PTCH1: variants seen among roughly 807,000 people sequenced by gnomAD.
The protein encoded by PTCH1 is protein patched homolog 1.
PTCH1 carries 14 observed loss-of-function variants against 144.6 expected under a neutral mutation model. That is an observed-to-expected ratio of 0.10 (90% CI 0.06 to 0.15). The LOEUF is 0.15. PTCH1 is among the 10% of genes least tolerant of loss of function. The pLI, the probability that PTCH1 is intolerant of heterozygous loss-of-function variation, is 1.00. For synonymous variants in PTCH1, 833 were observed against 793.6 expected, an observed-to-expected ratio of 1.05 and a Z score of -0.83; for missense variants, 1,623 against 1,948.3, an observed-to-expected ratio of 0.83 and a Z score of 3.14.
intron 2 of PTCH1, among the ~76,000 whole-genome samples, chr9:95,489,862 C>A (rs1355029667): frequency 2.7e-5 from 4 of 150,494 alleles, no homozygotes; most frequent in Non-Finnish European, 3.0e-5. Flanking sequence ...GTGCAGTGGC[C>A]CCATCTCAGC....
chr9:95,472,278 G>C (rs1840652598), intron 12 of PTCH1, among the ~76,000 whole-genome samples: 1 of 152,218 alleles, frequency 6.6e-6, no homozygotes, highest in Non-Finnish European at 1.5e-5. Flanking sequence ...AGTCCCCGAA[G>C]TGCGGTCAAG....
chr9:95,480,246 T>G (rs1841422710), intron 6 of PTCH1, 144 bp downstream of exon 6: 1 of 1,518,962 alleles, frequency 6.6e-7, no homozygotes, highest in African/African-American at 1.4e-5. Context: ...AAAATTTAGC[T>G]CTATAAATAA....
At chr9:95,469,374 G>C (rs773091135) in intron 13 of PTCH1, among the ~76,000 whole-genome samples, 3 of 152,180 alleles carry the variant, frequency 2.0e-5, no homozygotes, top group Non-Finnish European at 4.4e-5. Flanking sequence ...GAGGCCACAT[G>C]GAGGACTGAT....
intron 12 of PTCH1, among the ~76,000 whole-genome samples, chr9:95,475,526 G>C (rs1295008237): frequency 2.0e-5 from 3 of 152,226 alleles, no homozygotes; most frequent in African/African-American, 4.8e-5. Context: ...AGCCTCGCCA[G>C]TTCGCGGTCC....
chr9:95,446,417 T>C (rs770903520), intron 23 of PTCH1, 26 bp from the exon 24 acceptor site: 11 of 518,700 alleles, frequency 2.1e-5, no homozygotes, highest in Admixed American at 5.8e-5. Context: ...AAAAAGGAAG[T>C]TGAACAGAGT....
chr9:95,444,748 T>A lies in PTCH1; in HGVS notation c.*1645A>T, dbSNP rs1837744050. 6.6e-6 allele frequency: 1 copy of A among 152,310 alleles called. No individual in the cohort carries two copies. Among genetic ancestry groups the A allele is most frequent in the Non-Finnish European group, 1.5e-5 (1 of 68,134 alleles). 9.4% of individuals were successfully genotyped at this position (152,310 alleles called of 1,614,324 possible). A position where few individuals can be genotyped will look rare whatever the true frequency, so the allele number is the denominator to read the frequency against. On this transcript the variant is annotated 3_prime_UTR_variant, in exon 24 of 24. Coordinates refer to ENST00000331920, the MANE Select transcript of PTCH1 (RefSeq NM_000264.5). Reference sequence around the variant, plus strand: ...GGACCCCGCCCTTTCCTCTGACTTCTTGTCTGTAACAAGGTGCTGGTGTGG... The same window carrying A: ...GGACCCCGCCCTTTCCTCTGACTTCATGTCTGTAACAAGGTGCTGGTGTGG...
chr9:95,464,964 A>G (rs1007865398), intron 15 of PTCH1, among the ~76,000 whole-genome samples: 1 of 152,164 alleles, frequency 6.6e-6, no homozygotes, highest in Non-Finnish European at 1.5e-5. Context: ...CGGACCCTGT[A>G]AGAGTCAGTC....
At chr9:95,457,549 C>A (rs913695091) in intron 18 of PTCH1, among the ~76,000 whole-genome samples, 7 of 152,162 alleles carry the variant, frequency 4.6e-5, no homozygotes, top group African/African-American at 1.4e-4. Context: ...ATTAGTTTAT[C>A]ATTTTCCCCC....
intron 2 of PTCH1, 163 bp downstream of exon 2, chr9:95,506,244 G>A (rs1433556433): frequency 2.5e-6 from 2 of 803,014 alleles, no homozygotes; most frequent in Non-Finnish European, 3.8e-6. Context: ...TGTCGGGCGG[G>A]CCTGGCTCCC....
chr9:95,481,193 G>A (rs911759696), intron 5 of PTCH1, among the ~76,000 whole-genome samples: 1 of 152,188 alleles, frequency 6.6e-6, no homozygotes, highest in African/African-American at 2.4e-5. Flanking sequence ...AAACCACACT[G>A]TAGCTGCTTA....
At chr9:95,510,299 A>G (rs529366422), upstream of PTCH1, among the ~76,000 whole-genome samples, 1 of 152,296 alleles carries the variant, frequency 6.6e-6, no homozygotes, top group East Asian at 1.9e-4. Context: ...GTTATATTTA[A>G]TAATAGTATG....
Position 95,508,505 on chromosome 9 carries a change from T to G in PTCH1, c.-144A>C, listed in dbSNP as rs1336208916. On this transcript the variant is annotated 5_prime_UTR_variant, in exon 1 of 24. Coordinates refer to ENST00000331920, the MANE Select transcript of PTCH1 (RefSeq NM_000264.5). ...GGCCGCAGGCTGCTCGGGCTCGGGC[T>G]CCGGTTGACAGACCAGCCGCTGCTG... The G allele has an allele frequency of 1.1e-5, 11 of 1,018,250 alleles. No homozygotes were observed. The highest frequency in any genetic ancestry group is 1.3e-5 in the Non-Finnish European group (11 of 851,404). 63.1% of individuals were successfully genotyped at this position (1,018,250 alleles called of 1,614,324 possible). A position where few individuals can be genotyped will look rare whatever the true frequency, so the allele number is the denominator to read the frequency against.
chr9:95,443,967 TTC>T lies in PTCH1; in HGVS notation c.*2424_*2425del, dbSNP rs1347645056. 3.9e-5 allele frequency: 6 copies of T among 152,622 alleles called. No individual in the cohort carries two copies. Among genetic ancestry groups the T allele is most frequent in the East Asian group, 1.9e-4 (1 of 5,202 alleles). The allele number at this position is 152,622 out of a possible 1,614,324, so 9.5% of individuals were successfully genotyped here. On this transcript the variant is annotated 3_prime_UTR_variant, in exon 24 of 24. Transcript: ENST00000331920. Reference sequence around the variant, plus strand: ...AGTAAGCACTCTATACAAATAAAAATTCTGTCCAAAAGTAAAACATAGCTGTA... The same window carrying T: ...AGTAAGCACTCTATACAAATAAAAATTGTCCAAAAGTAAAACATAGCTGTA...
Position 95,461,624 on chromosome 9 carries a change from C to T in PTCH1, c.2703+232G>A, listed in dbSNP as rs574114226. 7.2e-5 allele frequency among the ~76,000 whole-genome samples: 11 copies of T among 152,348 alleles called. 1 individual carries two copies. The highest frequency in any genetic ancestry group is 1.4e-4 in the African/African-American group (6 of 41,580). On this transcript the variant is annotated intron_variant, in intron 16 of 23. Coordinates refer to ENST00000331920, the MANE Select transcript of PTCH1 (RefSeq NM_000264.5). ...GACAATTGTTCTGGTGGTAGGAACACGCCTGTCCCATTTGACAGATGAGGA... is the reference window on the plus strand; with the variant it reads ...GACAATTGTTCTGGTGGTAGGAACATGCCTGTCCCATTTGACAGATGAGGA...
rs1490972795 is a variant in PTCH1, at chr9:95,485,762, G to A, written c.507C>T (p.Val169=). 1 of 1,614,192 alleles carries A rather than the reference G, an allele frequency of 6.2e-7. No homozygotes were observed. The highest frequency in any genetic ancestry group is 1.3e-5 in the African/African-American group (1 of 75,036). Residue 169 remains valine (V), a synonymous_variant, in exon 3 of 24, where the codon GTC becomes GTT. Coordinates refer to ENST00000331920, the MANE Select transcript of PTCH1 (RefSeq NM_000264.5). ...IQTPKEEGAN[V]LTTEALLQHL... ...GTTGTAGGAGCGCTTCTGTGGTCAGGACATTAGCACCTTCTTCTTTAGGGG... is the reference window on the plus strand; with the variant it reads ...GTTGTAGGAGCGCTTCTGTGGTCAGAACATTAGCACCTTCTTCTTTAGGGG...
chr9:95,506,680 G>GCTTGCGCGCACCCGCCC, intron 1 of PTCH1, 81 bp from the exon 2 acceptor site: 17 of 1,350,664 alleles, frequency 1.3e-5, no homozygotes, highest in East Asian at 3.0e-5. Flanking sequence ...GCACCCGCCC[G>GCTTGCGCGCACCCGCCC]GTGAGCCCCC....
chr9:95,476,581 C>A lies in PTCH1; in HGVS notation c.1602+178G>T, dbSNP rs905658344. Among the ~76,000 whole-genome samples the A allele has an allele frequency of 6.6e-6, 1 of 152,112 alleles. No individual in the cohort carries two copies. Among genetic ancestry groups the A allele is most frequent in the Non-Finnish European group, 1.5e-5 (1 of 68,026 alleles). On this transcript the variant is annotated intron_variant, in intron 11 of 23. Coordinates refer to ENST00000331920, the MANE Select transcript of PTCH1 (RefSeq NM_000264.5). The surrounding 1 kb of genome is among the most constrained non-coding windows in gnomAD (Gnocchi z 4.6). The stretch of plus-strand genomic sequence containing the variant: ...ATGCAGCTCTTGGGACTTCTCATAG[C>A]AAATACATGTCCTGAGAGTCTTCCA...
intron 2 of PTCH1, among the ~76,000 whole-genome samples, chr9:95,497,929 T>G (rs1485203019): frequency 1.1e-5 from 1 of 89,764 alleles, no homozygotes; most frequent in Non-Finnish European, 2.1e-5. Context: ...TCTCGCACTC[T>G]TCTTAAATAG....
At chr9:95,505,680 T>G (rs1843522266) in intron 2 of PTCH1, among the ~76,000 whole-genome samples, 1 of 151,634 alleles carries the variant, frequency 6.6e-6, no homozygotes, top group South Asian at 2.1e-4. Context: ...TAATTCCATG[T>G]AAAAAGCCCC....
Sources: gnomAD v4.1 joint callset for allele counts (sites outside exome capture counted in the v4.1 genomes callset) on GRCh38, gnomAD v4.1.1 for gene constraint, Gnocchi (gnomAD v3.1) non-coding constraint, MANE v1.5 for transcripts, NCBI Gene and HGNC (gene_info 2026-07-23, HGNC 2026-07-21) for gene names.